Variants in GALNT16 observed in about 807,000 individuals in gnomAD.
GALNT16 encodes the protein polypeptide N-acetylgalactosaminyltransferase 16, also known as UDP-GalNAc:polypeptide N-acetylgalactosaminyltransferase-like protein 1.
A neutral mutation model predicts 76.1 loss-of-function variants in GALNT16; 40 were observed. The ratio of observed to expected loss-of-function variants is 0.53; its 90% confidence interval spans 0.41 to 0.68. The LOEUF is 0.68. GALNT16 is among the 30% of genes least tolerant of loss of function. GALNT16 has a pLI of 0.00. For synonymous variants in GALNT16, 276 were observed against 285.2 expected (o/e 0.97, Z 0.32); for missense variants, 621 against 731.9 (o/e 0.85, Z 1.75).
intron 7 of GALNT16, 114 bp downstream of exon 7, chr14:69,331,665 C>T (rs2045354850): frequency 2.8e-6 from 2 of 708,888 alleles, no homozygotes; most frequent in African/African-American, 1.7e-5. Context: ...CCCTCATGAA[C>T]ACCCCTTCCA....
At chr14:69,319,030 T>C (rs1286478653) in intron 1 of GALNT16, among the ~76,000 whole-genome samples, 1 of 152,260 alleles carries the variant, frequency 6.6e-6, no homozygotes, top group Non-Finnish European at 1.5e-5. Flanking sequence ...CCGCCACATC[T>C]GTTCAGTCTC....
At chr14:69,304,370 T>C (rs2044901533) in intron 1 of GALNT16, among the ~76,000 whole-genome samples, 1 of 152,260 alleles carries the variant, frequency 6.6e-6, no homozygotes, top group Non-Finnish European at 1.5e-5. Context: ...AAAATTTAAA[T>C]AACTTCTAAT....
At chr14:69,288,153 C>T (rs1233649636) in intron 1 of GALNT16, among the ~76,000 whole-genome samples, 1 of 152,288 alleles carries the variant, frequency 6.6e-6, no homozygotes, top group East Asian at 1.9e-4. Context: ...ACCTGGACAG[C>T]CGCCTAGTGG....
intron 1 of GALNT16, among the ~76,000 whole-genome samples, chr14:69,278,743 A>G (rs527477274): frequency 1.3e-5 from 2 of 152,242 alleles, no homozygotes; most frequent in Non-Finnish European, 2.9e-5. Flanking sequence ...TTTCATAGTT[A>G]TAAACAACAC....
chr14:69,264,811 TTTTCTTTC>T (rs2140096837), intron 1 of GALNT16, among the ~76,000 whole-genome samples: 2 of 100,134 alleles, frequency 2.0e-5, no homozygotes, highest in African/African-American at 1.0e-4. Context: ...TCTCTTTTCT[TTTTCTTTC>T]TTTTTTTTTT....
chr14:69,279,751 G>C (rs777891762), intron 1 of GALNT16, among the ~76,000 whole-genome samples: 2 of 152,244 alleles, frequency 1.3e-5, no homozygotes, highest in Non-Finnish European at 2.9e-5. Flanking sequence ...ATCAGGTGAG[G>C]GGTGTGGCAA....
intron 1 of GALNT16, among the ~76,000 whole-genome samples, chr14:69,295,663 T>C (rs2044750189): frequency 6.6e-6 from 1 of 152,114 alleles, no homozygotes; most frequent in African/African-American, 2.4e-5. Flanking sequence ...GAGGTTACAG[T>C]GAGCTGAGAT....
chr14:69,362,405 C>T, the GALNT16 span, among the ~76,000 whole-genome samples: 1 of 152,234 alleles, frequency 6.6e-6, no homozygotes, highest in African/African-American at 2.4e-5. Flanking sequence ...CAGCTTCCAC[C>T]AGGTGCCTGG....
Position 69,347,930 on chromosome 14 carries a change from C to T in GALNT16, c.1467C>T (p.Ala489=). Residue 489 remains alanine (A), a synonymous_variant, in exon 14 of 15, where the codon GCC becomes GCT. Coordinates refer to ENST00000448469, the MANE Select transcript of GALNT16 (RefSeq NM_001168368.2). ...LIQQQGKCLA[A]TSTLMSSPGS... is the part of the protein sequence containing the mutation. Reference sequence around the variant, plus strand: ...AGCAGCAGGGGAAGTGCCTGGCTGCCACCTCCACCTTAATGTCCTCCCCTG... The same window carrying T: ...AGCAGCAGGGGAAGTGCCTGGCTGCTACCTCCACCTTAATGTCCTCCCCTG... 1 of 1,613,972 alleles carries T rather than the reference C, an allele frequency of 6.2e-7. No homozygotes were observed. Among genetic ancestry groups the T allele is most frequent in the East Asian group, 2.2e-5 (1 of 44,870 alleles).
At position 69,342,292 on chromosome 14, in the gene GALNT16, C is replaced by A. The variant is rs760544951; in HGVS notation, c.1271+528C>A. ...ATGAGACCTTGTCTCTACTAAAAAT[C>A]AAAAAATTAGCTGGGCGTGGTGGCA... On this transcript the variant is annotated intron_variant, in intron 12 of 14. Coordinates refer to ENST00000448469, the MANE Select transcript of GALNT16 (RefSeq NM_001168368.2). Among the ~76,000 whole-genome samples, 8 of 151,600 alleles carry A rather than the reference C, an allele frequency of 5.3e-5. 1 individual carries two copies. The Middle Eastern group carries it at 0.014, about 258-fold the overall frequency.
the GALNT16 span, among the ~76,000 whole-genome samples, chr14:69,366,877 T>A: frequency 0.13 from 19,116 of 152,180 alleles, 1,432 homozygotes; most frequent in Middle Eastern, 0.25. Flanking sequence ...TTGAGGGAAG[T>A]AGACAATCAC....
rs376771424 is a variant in GALNT16 at position 69,333,181 on chromosome 14, G to A, written c.863+12G>A. 1.1e-5 allele frequency: 17 copies of A among 1,565,022 alleles called. No homozygotes were observed. Among genetic ancestry groups the A allele is most frequent in the Non-Finnish European group, 1.4e-5 (16 of 1,140,872 alleles). The stretch of plus-strand genomic sequence containing the variant: ...ACCAGGCCCATAAGGTCAGAGCTGC[G>A]GTGGGCTCTGGGGGACCCCTTCCTT... On this transcript the variant is annotated intron_variant, in intron 8 of 14. Coordinates refer to ENST00000448469, the MANE Select transcript of GALNT16 (RefSeq NM_001168368.2). The surrounding 1 kb of genome is among the most constrained non-coding windows in gnomAD (Gnocchi z 4.2).
chr14:69,382,703 G>A, the GALNT16 span, among the ~76,000 whole-genome samples: 2 of 151,540 alleles, frequency 1.3e-5, no homozygotes, highest in East Asian at 1.9e-4. Flanking sequence ...GCTGGGCGTG[G>A]TGGCGCGCAC....
At chr14:69,270,825 C>G (rs536013242) in intron 1 of GALNT16, among the ~76,000 whole-genome samples, 1 of 152,276 alleles carries the variant, frequency 6.6e-6, no homozygotes, top group South Asian at 2.1e-4. Flanking sequence ...GGAAGTGCAG[C>G]CTGGGGCTCA....
the GALNT16 span, chr14:69,380,662 G>A: frequency 7.0e-7 from 1 of 1,438,664 alleles, no homozygotes; most frequent in Non-Finnish European, 9.8e-7. Flanking sequence ...AAGGGAATAA[G>A]CAAAGTCACA....
intron 1 of GALNT16, among the ~76,000 whole-genome samples, chr14:69,299,793 G>A (rs2044823220): frequency 1.3e-5 from 2 of 152,206 alleles, no homozygotes; most frequent in South Asian, 4.1e-4. Flanking sequence ...TGGGAGGCCT[G>A]TGACTGTCAC....
chr14:69,327,280 C>G (rs967908838), intron 5 of GALNT16, among the ~76,000 whole-genome samples: 1 of 152,152 alleles, frequency 6.6e-6, no homozygotes, highest in African/African-American at 2.4e-5. Flanking sequence ...AACGCTTGAA[C>G]CCAGGAGGCA....
chr14:69,339,928 T>C (rs537881068), intron 11 of GALNT16, among the ~76,000 whole-genome samples: 22 of 152,356 alleles, frequency 1.4e-4, no homozygotes, highest in African/African-American at 3.8e-4. Flanking sequence ...CAGAAAGCAT[T>C]TGGGGTTCTG....
chr14:69,281,524 C>T (rs1439240295), intron 1 of GALNT16, among the ~76,000 whole-genome samples: 2 of 152,244 alleles, frequency 1.3e-5, no homozygotes, highest in African/African-American at 4.8e-5. Context: ...AGCTGGTGGA[C>T]CCAGTGCTCT....
Sources: gnomAD v4.1 joint callset for allele counts (sites outside exome capture counted in the v4.1 genomes callset) on GRCh38, gnomAD v4.1.1 for gene constraint, Gnocchi (gnomAD v3.1) non-coding constraint, MANE v1.5 for transcripts, NCBI Gene and HGNC (gene_info 2026-07-23, HGNC 2026-07-21) for gene names.